The following SLC39A8 variants were observed in gnomAD, a reference collection of about 807,000 sequenced individuals.
SLC39A8 encodes the protein metal cation symporter ZIP8.
Under a neutral mutation model 40.4 loss-of-function variants are expected in SLC39A8, and 15 were observed. That is an observed-to-expected ratio of 0.37 (90% CI 0.25 to 0.57). The LOEUF (loss-of-function observed/expected upper bound fraction) is 0.57, where lower values mean the gene tolerates loss of function less well. Ranked by LOEUF, SLC39A8 falls within the 20% of genes least tolerant of loss-of-function variation. The pLI, the probability that SLC39A8 is intolerant of heterozygous loss-of-function variation, is 0.75. For synonymous variants in SLC39A8, 223 were observed against 221.6 expected (o/e 1.01, Z -0.06); for missense variants, 472 against 558.8 (o/e 0.84, Z 1.57).
rs924750599 is a variant in SLC39A8 at position 102,345,398 on chromosome 4, G to C, written c.-307C>G. On this transcript the variant is annotated 5_prime_UTR_variant, in exon 1 of 9. Transcript: ENST00000356736. Reference sequence around the variant, plus strand: ...TGCGTCTTTCTCTCTGCGTGTCAACGTAAGACTCGGTCTCTGGATCTCTCT... The same window carrying C: ...TGCGTCTTTCTCTCTGCGTGTCAACCTAAGACTCGGTCTCTGGATCTCTCT... 1.3e-5 allele frequency: 2 copies of C among 152,502 alleles called. No individual in the cohort carries two copies. The highest frequency in any genetic ancestry group is 2.1e-4 in the South Asian group (1 of 4,826). 9.4% of individuals were successfully genotyped at this position (152,502 alleles called of 1,614,324 possible). A position where few individuals can be genotyped will look rare whatever the true frequency, so the allele number is the denominator to read the frequency against.
chr4:102,286,844 A>G (rs1269526529), intron 6 of SLC39A8, among the ~76,000 whole-genome samples: 1 of 152,186 alleles, frequency 6.6e-6, no homozygotes, highest in Non-Finnish European at 1.5e-5. Flanking sequence ...GTTGTTTTAC[A>G]AAAGTTCATT....
At chr4:102,304,159 G>A (rs1734032449) in intron 6 of SLC39A8, among the ~76,000 whole-genome samples, 158 bp downstream of exon 6, 2 of 151,672 alleles carry the variant, frequency 1.3e-5, no homozygotes, top group South Asian at 4.1e-4. Flanking sequence ...CAGGGAAGGT[G>A]GAAAAACAAT....
intron 2 of SLC39A8, among the ~76,000 whole-genome samples, chr4:102,343,518 G>A (rs1736028965): frequency 6.6e-6 from 1 of 152,172 alleles, no homozygotes; most frequent in African/African-American, 2.4e-5. Context: ...AGCTGTCAGT[G>A]GGACAGGAGT....
intron 3 of SLC39A8, among the ~76,000 whole-genome samples, chr4:102,311,605 A>C (rs1734428897): frequency 6.6e-6 from 1 of 152,118 alleles, no homozygotes; most frequent in Admixed American, 6.6e-5. Context: ...TTCATCAAAA[A>C]GTGAGGCAAT....
intron 6 of SLC39A8, among the ~76,000 whole-genome samples, chr4:102,275,664 C>G (rs558771928): frequency 2.3e-4 from 35 of 152,268 alleles, no homozygotes; most frequent in African/African-American, 8.2e-4. Flanking sequence ...TCTCCACCCC[C>G]AAATCAACAG....
chr4:102,344,790 C>G lies in SLC39A8; in HGVS notation c.-128G>C. The G allele has an allele frequency of 7.6e-7, 1 of 1,319,186 alleles. No individual in the cohort carries two copies. Among genetic ancestry groups the G allele is most frequent in the Non-Finnish European group, 9.6e-7 (1 of 1,038,922 alleles). 81.7% of individuals were successfully genotyped at this position (1,319,186 alleles called of 1,614,324 possible). ...CGGCGCTGCTCCGAGTCAGAGGTGGCGCGGGACGCCCCTGGTTCTCCGACG... is the reference window on the plus strand; with the variant it reads ...CGGCGCTGCTCCGAGTCAGAGGTGGGGCGGGACGCCCCTGGTTCTCCGACG... On this transcript the variant is annotated 5_prime_UTR_variant, in exon 2 of 9. Coordinates refer to ENST00000356736, the MANE Select transcript of SLC39A8 (RefSeq NM_001135146.2).
intron 6 of SLC39A8, among the ~76,000 whole-genome samples, chr4:102,274,221 T>A (rs1732506980): frequency 6.6e-6 from 1 of 151,718 alleles, no homozygotes; most frequent in Non-Finnish European, 1.5e-5. Flanking sequence ...TTAGAGGAAT[T>A]GCTAACTAGA....
intron 2 of SLC39A8, among the ~76,000 whole-genome samples, chr4:102,320,713 T>C (rs1734923760): frequency 1.1e-5 from 1 of 95,148 alleles, no homozygotes; most frequent in African/African-American, 4.1e-5. Flanking sequence ...TATATGAGAA[T>C]ATATATATGA....
chr4:102,262,910 A>T lies in SLC39A8; in HGVS notation c.*134T>A. On this transcript the variant is annotated 3_prime_UTR_variant, in exon 9 of 9. Transcript: ENST00000356736. ...TGGACTATTTCACAGACTGATGCCA[A>T]TAATTAGTTTTCTGGACCTACAGTT... The T allele has an allele frequency of 7.1e-7, 1 of 1,413,612 alleles. No homozygotes were observed. The highest frequency in any genetic ancestry group is 9.2e-7 in the Non-Finnish European group (1 of 1,087,316). 87.6% of individuals were successfully genotyped at this position (1,413,612 alleles called of 1,614,324 possible). A position where few individuals can be genotyped will look rare whatever the true frequency, so the allele number is the denominator to read the frequency against.
chr4:102,328,552 A>T (rs1043232239), intron 2 of SLC39A8, among the ~76,000 whole-genome samples: 9 of 152,204 alleles, frequency 5.9e-5, no homozygotes, highest in Admixed American at 2.0e-4. Context: ...TTAAAAATTT[A>T]TCAGTTAAAA....
intron 3 of SLC39A8, among the ~76,000 whole-genome samples, chr4:102,311,248 TAG>T (rs1734412370): frequency 6.6e-6 from 1 of 152,144 alleles, no homozygotes; most frequent in Admixed American, 6.6e-5. Context: ...TCCTATTTCA[TAG>T]AGTTATTACA....
chr4:102,265,907 C>A (rs1170266628), intron 8 of SLC39A8, among the ~76,000 whole-genome samples: 2 of 152,224 alleles, frequency 1.3e-5, no homozygotes, highest in African/African-American at 4.8e-5. Context: ...CCAGCAAAAT[C>A]TTCACATCTA....
intron 2 of SLC39A8, among the ~76,000 whole-genome samples, chr4:102,337,524 A>C (rs758925832): frequency 4.6e-5 from 7 of 152,182 alleles, no homozygotes; most frequent in Non-Finnish European, 7.3e-5. Context: ...TCCTAGCAGC[A>C]CTGTCTTACC....
rs770274333 is a variant in SLC39A8 at position 102,315,633 on chromosome 4, T to C, written c.382+35A>G. On this transcript the variant is annotated intron_variant, in intron 3 of 8. Coordinates refer to ENST00000356736, the MANE Select transcript of SLC39A8 (RefSeq NM_001135146.2). ...TTCATTTCACAATGGTTCATAGACT[T>C]TTCAAATAAAAGAGAAAAAATGCTT... 4.5e-6 allele frequency: 7 copies of C among 1,565,318 alleles called. No individual in the cohort carries two copies. In the East Asian group the frequency reaches 6.8e-5, roughly 15 times the overall value.
chr4:102,311,499 A>G (rs1390790669), intron 3 of SLC39A8, among the ~76,000 whole-genome samples: 1 of 152,074 alleles, frequency 6.6e-6, no homozygotes, highest in African/African-American at 2.4e-5. Context: ...TTACATCACT[A>G]GTTGTATTAC....
At chr4:102,287,087 G>A (rs72692221) in intron 6 of SLC39A8, among the ~76,000 whole-genome samples, 12,407 of 152,038 alleles carry the variant, frequency 0.082, 566 homozygotes, top group South Asian at 0.17. Flanking sequence ...GCTATTGTAG[G>A]AATTTAATAT....
intron 11 of SLC39A8, among the ~76,000 whole-genome samples, chr4:102,256,073 T>C (rs1415856643): frequency 6.6e-6 from 1 of 152,238 alleles, no homozygotes; most frequent in East Asian, 1.9e-4. Context: ...TCTAAGCTTC[T>C]AAAATCAATG....
intron 3 of SLC39A8, among the ~76,000 whole-genome samples, chr4:102,308,721 AATGGTGGGCCACTTTTCTCC>A (rs1734297432): frequency 6.6e-6 from 1 of 152,118 alleles, no homozygotes; most frequent in South Asian, 2.1e-4. Flanking sequence ...AGCATGTTTA[AATGGTGGGCCACTTTTCTCC>A]ATGGCACTGT....
At chr4:102,274,268 A>G (rs1204970773) in intron 6 of SLC39A8, among the ~76,000 whole-genome samples, 14 of 152,216 alleles carry the variant, frequency 9.2e-5, no homozygotes, top group Admixed American at 2.0e-4. Context: ...TGATCTGATA[A>G]AGTCGAAAAA....
Sources: gnomAD v4.1 joint callset for allele counts (sites outside exome capture counted in the v4.1 genomes callset) on GRCh38, gnomAD v4.1.1 for gene constraint, MANE v1.5 for transcripts, NCBI Gene and HGNC (gene_info 2026-07-23, HGNC 2026-07-21) for gene names.